ST6GALNAC3: variants seen among roughly 807,000 people sequenced by gnomAD.
ST6GALNAC3 encodes alpha-N-acetylgalactosaminide alpha-2,6-sialyltransferase 3.
A neutral mutation model predicts 32.7 loss-of-function variants in ST6GALNAC3; 25 were observed. The observed-to-expected ratio is 0.76, with a 90% CI of 0.56 to 1.07. The LOEUF (loss-of-function observed/expected upper bound fraction) is 1.07, where lower values mean the gene tolerates loss of function less well. Ranked by LOEUF, ST6GALNAC3 falls within the 50% of genes least tolerant of loss-of-function variation. ST6GALNAC3 has a pLI of 0.00. For missense variants in ST6GALNAC3, 355 were observed against 382.4 expected (o/e 0.93, Z 0.60); for synonymous variants, 129 against 133.1 (o/e 0.97, Z 0.21).
rs187669291 is a variant in ST6GALNAC3 at position 76,356,967 on chromosome 1, C to T, written c.213+42968C>T. Among the ~76,000 whole-genome samples, 177 of 151,990 alleles carry T rather than the reference C, an allele frequency of 1.2e-3. 1 individual carries two copies. Among genetic ancestry groups the T allele is most frequent in the African/African-American group, 3.7e-3 (153 of 41,442 alleles). ...TGTCCACAATAGGTAACCCAAGGTA[C>T]GCAAGAAGAAATTCCAGGGGCCACA... is the stretch of plus-strand genomic sequence containing the variant. On this transcript the variant is annotated intron_variant, in intron 2 of 4. Transcript: ENST00000328299.
rs1647163193 is a variant in ST6GALNAC3, at chr1:76,330,175, C to T, written c.213+16176C>T. On this transcript the variant is annotated intron_variant, in intron 2 of 4. Transcript: ENST00000328299. ...TTAAGTAATTTTTTTTTTCTTGAGA[C>T]AGAGCCTCACTCTGTCGCCCAGGCT... Among the ~76,000 whole-genome samples the T allele has an allele frequency of 3.4e-5, 5 of 148,860 alleles. No individual in the cohort carries two copies. The South Asian group carries it at 1.1e-3, about 32-fold the overall frequency.
chr1:76,263,575 A>G (rs1343890560), intron 1 of ST6GALNAC3, among the ~76,000 whole-genome samples: 1 of 152,176 alleles, frequency 6.6e-6, no homozygotes, highest in Non-Finnish European at 1.5e-5. Flanking sequence ...GATGTGTAAT[A>G]TTGAAGACCT....
Position 76,630,962 on chromosome 1 carries a change from C to A in ST6GALNAC3, c.*2156C>A. ...CTTGATTAATCAGAATGGCTTGGGA[C>A]ATGAACTTAATTTATTTAGTTTTCT... On this transcript the variant is annotated 3_prime_UTR_variant, in exon 5 of 5. Transcript: ENST00000328299. 1 of 985,514 alleles carries A rather than the reference C, an allele frequency of 1.0e-6. No homozygotes were observed. Among genetic ancestry groups the A allele is most frequent in the Non-Finnish European group, 1.2e-6 (1 of 829,762 alleles). 61.0% of individuals were successfully genotyped at this position (985,514 alleles called of 1,614,324 possible). A position where few individuals can be genotyped will look rare whatever the true frequency, so the allele number is the denominator to read the frequency against.
chr1:76,372,213 G>C (rs1248297611), intron 2 of ST6GALNAC3, among the ~76,000 whole-genome samples: 4 of 152,120 alleles, frequency 2.6e-5, no homozygotes, highest in Non-Finnish European at 4.4e-5. Context: ...CTGATTAAGA[G>C]CTCTGCCTGG....
intron 3 of ST6GALNAC3, among the ~76,000 whole-genome samples, chr1:76,615,039 T>TG (rs1333517905): frequency 6.6e-6 from 1 of 152,074 alleles, no homozygotes; most frequent in Non-Finnish European, 1.5e-5. Context: ...TTTTGTCTTT[T>TG]GACAGTAAAT....
chr1:76,149,096 C>G (rs1189047061), intron 1 of ST6GALNAC3, among the ~76,000 whole-genome samples: 1 of 152,170 alleles, frequency 6.6e-6, no homozygotes, highest in African/African-American at 2.4e-5. Context: ...TGTATGGCAC[C>G]TGGTAATCGG....
intron 1 of ST6GALNAC3, among the ~76,000 whole-genome samples, chr1:76,276,872 A>C (rs774273205): frequency 6.6e-6 from 1 of 152,220 alleles, no homozygotes; most frequent in Non-Finnish European, 1.5e-5. Context: ...GTATGAATTT[A>C]TACTTTACAG....
chr1:76,115,926 C>T (rs1648438025), intron 1 of ST6GALNAC3, among the ~76,000 whole-genome samples: 1 of 152,136 alleles, frequency 6.6e-6, no homozygotes, highest in African/African-American at 2.4e-5. Flanking sequence ...ATATTTTGAG[C>T]ATTTACTGTT....
intron 1 of ST6GALNAC3, among the ~76,000 whole-genome samples, chr1:76,123,749 A>ATTTTTTTTTTT (rs767734132): frequency 2.1e-5 from 2 of 94,290 alleles, no homozygotes; most frequent in Admixed American, 1.5e-4. Flanking sequence ...ACTCATTTTA[A>ATTTTTTTTTTT]TTTTTTTTTT....
chr1:76,282,260 A>G (rs1335862), intron 1 of ST6GALNAC3, among the ~76,000 whole-genome samples: 72,287 of 149,732 alleles, frequency 0.48, 17,497 homozygotes, highest in African/African-American at 0.56. Flanking sequence ...GGAGGAAGAA[A>G]AAAGAGACTT....
intron 1 of ST6GALNAC3, among the ~76,000 whole-genome samples, chr1:76,247,124 A>G (rs1433254186): frequency 6.6e-6 from 1 of 152,192 alleles, no homozygotes; most frequent in Non-Finnish European, 1.5e-5. Context: ...AGGTATTACC[A>G]GTGGAGGCTG....
At chr1:76,201,659 A>T (rs1418709450) in intron 1 of ST6GALNAC3, among the ~76,000 whole-genome samples, 1 of 152,222 alleles carries the variant, frequency 6.6e-6, no homozygotes, top group Admixed American at 6.5e-5. Context: ...CTGTTAAAAA[A>T]AACTTCAAAG....
chr1:76,093,290 T>A (rs148907378), intron 1 of ST6GALNAC3, among the ~76,000 whole-genome samples: 27 of 152,362 alleles, frequency 1.8e-4, no homozygotes, highest in African/African-American at 6.0e-4. Flanking sequence ...TGCTGTGGAC[T>A]GGGGACACTT....
chr1:76,406,124 T>C (rs1653815899), intron 2 of ST6GALNAC3, among the ~76,000 whole-genome samples: 1 of 152,010 alleles, frequency 6.6e-6, no homozygotes, highest in Admixed American at 6.6e-5. Flanking sequence ...CGTGTGAACA[T>C]AGTACCCCAG....
chr1:76,264,143 A>C (rs887805858), intron 1 of ST6GALNAC3, among the ~76,000 whole-genome samples: 67 of 152,306 alleles, frequency 4.4e-4, no homozygotes, highest in Middle Eastern at 6.8e-3. Flanking sequence ...ACAGATGAGG[A>C]AACTTCTCAG....
intron 1 of ST6GALNAC3, among the ~76,000 whole-genome samples, chr1:76,229,662 C>G (rs1656258216): frequency 1.3e-5 from 2 of 152,194 alleles, no homozygotes; most frequent in Non-Finnish European, 2.9e-5. Flanking sequence ...TTCATGGTCT[C>G]TGTAGGTAGG....
chr1:76,076,165 G>C (rs1373925035), intron 1 of ST6GALNAC3, among the ~76,000 whole-genome samples: 1 of 152,130 alleles, frequency 6.6e-6, no homozygotes, highest in Non-Finnish European at 1.5e-5. Context: ...CTTAGCACAA[G>C]GACTGAAATA....
At chr1:76,429,746 G>A (rs765157056) in intron 3 of ST6GALNAC3, among the ~76,000 whole-genome samples, 13 of 152,040 alleles carry the variant, frequency 8.6e-5, no homozygotes, top group Admixed American at 2.0e-4. Context: ...ACTCTTGGCC[G>A]CTCTCATCAG....
intron 2 of ST6GALNAC3, among the ~76,000 whole-genome samples, chr1:76,383,797 T>C (rs1438375234): frequency 6.6e-6 from 1 of 152,204 alleles, no homozygotes; most frequent in Non-Finnish European, 1.5e-5. Context: ...GTTGTAAGGC[T>C]CTTGCAATGT....
Sources: allele counts gnomAD v4.1 joint callset (sites outside exome capture counted in the v4.1 genomes callset), GRCh38; gene constraint gnomAD v4.1.1; transcripts MANE v1.5; gene names NCBI Gene and HGNC (gene_info 2026-07-23, HGNC 2026-07-21).